The following CNTNAP5 variants were observed in gnomAD, a reference collection of about 807,000 sequenced individuals.
The protein encoded by CNTNAP5 is contactin associated protein family member 5.
A neutral mutation model predicts 150.2 loss-of-function variants in CNTNAP5; 72 were observed. The observed-to-expected ratio is 0.48, with a 90% CI of 0.40 to 0.58. The LOEUF (loss-of-function observed/expected upper bound fraction) is 0.58. CNTNAP5 is among the 20% of genes least tolerant of loss of function. The pLI is 0.00. For synonymous variants in CNTNAP5, 672 were observed against 619.8 expected (o/e 1.08, Z -1.25); for missense variants, 1,636 against 1,626.2 (o/e 1.01, Z -0.10).
intron 8 of CNTNAP5, among the ~76,000 whole-genome samples, chr2:124,514,346 CTCTG>C (rs1208429140): frequency 6.6e-6 from 1 of 152,174 alleles, no homozygotes. Flanking sequence ...CTGTTATTTT[CTCTG>C]TCTCTCACTC....
At chr2:124,659,198 A>C (rs753693727) in intron 13 of CNTNAP5, among the ~76,000 whole-genome samples, 1 of 152,214 alleles carries the variant, frequency 6.6e-6, no homozygotes, top group Admixed American at 6.5e-5. Context: ...AGTTGTTTTG[A>C]AATTACAGGG....
intron 10 of CNTNAP5, among the ~76,000 whole-genome samples, chr2:124,527,951 C>T (rs987851959): frequency 6.6e-6 from 1 of 152,160 alleles, no homozygotes; most frequent in African/African-American, 2.4e-5. Flanking sequence ...ACCACTGCTT[C>T]TCTGGCCCAG....
intron 10 of CNTNAP5, among the ~76,000 whole-genome samples, chr2:124,537,355 G>T (rs1251504468): frequency 6.6e-6 from 1 of 152,166 alleles, no homozygotes; most frequent in Non-Finnish European, 1.5e-5. Context: ...AAAGGTGGTT[G>T]TATTAAAGCA....
intron 13 of CNTNAP5, among the ~76,000 whole-genome samples, chr2:124,731,105 A>T (rs565412471): frequency 6.6e-6 from 1 of 152,182 alleles, no homozygotes; most frequent in African/African-American, 2.4e-5. Flanking sequence ...CTTTCTGTCT[A>T]TGCCTTGCTC....
At chr2:124,770,679 T>G (rs2104608684) in intron 16 of CNTNAP5, among the ~76,000 whole-genome samples, 1 of 152,294 alleles carries the variant, frequency 6.6e-6, no homozygotes, top group East Asian at 1.9e-4. Context: ...TTATTTAGTC[T>G]AACTGCTCAT....
intron 1 of CNTNAP5, among the ~76,000 whole-genome samples, chr2:124,026,643 T>TGCAATTAA (rs1447362244): frequency 4.6e-5 from 7 of 152,216 alleles, no homozygotes; most frequent in Non-Finnish European, 7.3e-5. Flanking sequence ...TGAGAAAGAA[T>TGCAATTAA]GCAATTAAGC....
intron 3 of CNTNAP5, among the ~76,000 whole-genome samples, chr2:124,268,297 A>G (rs939496780): frequency 7.9e-5 from 12 of 152,066 alleles, no homozygotes; most frequent in African/African-American, 2.9e-4. Context: ...CTTCCCTTTG[A>G]GTGTCGATTT....
At chr2:124,045,343 G>C (rs1204607580) in intron 1 of CNTNAP5, among the ~76,000 whole-genome samples, 1 of 146,410 alleles carries the variant, frequency 6.8e-6, no homozygotes, top group Non-Finnish European at 1.5e-5. Context: ...CTGTCACACA[G>C]GCTGGAGAGC....
chr2:124,337,064 A>G (rs1187903023), intron 3 of CNTNAP5, among the ~76,000 whole-genome samples: 2 of 152,220 alleles, frequency 1.3e-5, no homozygotes, highest in East Asian at 3.9e-4. Flanking sequence ...AATGATGGCC[A>G]TTTTAACTGG....
chr2:124,156,567 C>T (rs372358361), intron 1 of CNTNAP5, among the ~76,000 whole-genome samples: 63 of 152,300 alleles, frequency 4.1e-4, no homozygotes, highest in African/African-American at 1.5e-3. Flanking sequence ...GTGGTCTTGG[C>T]TCCCTGCAAC....
intron 1 of CNTNAP5, among the ~76,000 whole-genome samples, chr2:124,040,521 G>T (rs1558734548): frequency 6.6e-6 from 1 of 151,270 alleles, no homozygotes; most frequent in Non-Finnish European, 1.5e-5. Flanking sequence ...CATGTGTTTT[G>T]TAAATATAAT....
intron 3 of CNTNAP5, among the ~76,000 whole-genome samples, chr2:124,398,900 A>T (rs1021257473): frequency 7.9e-5 from 12 of 152,148 alleles, no homozygotes; most frequent in Non-Finnish European, 1.6e-4. Context: ...GATGAAGATG[A>T]TGGTGATGAT....
chr2:124,820,540 G>A (rs1381802149), intron 19 of CNTNAP5, among the ~76,000 whole-genome samples: 2 of 137,884 alleles, frequency 1.5e-5, no homozygotes, highest in African/African-American at 3.5e-5. Context: ...AAGGAAAGGG[G>A]GGGGAGAAAG....
At chr2:124,369,783 G>T (rs925025911) in intron 3 of CNTNAP5, among the ~76,000 whole-genome samples, 1 of 152,106 alleles carries the variant, frequency 6.6e-6, no homozygotes, top group African/African-American at 2.4e-5. Context: ...ACAAATGCAA[G>T]GAGGTCTTGA....
At chr2:124,187,579 C>T (rs570869262) in intron 1 of CNTNAP5, among the ~76,000 whole-genome samples, 6 of 152,228 alleles carry the variant, frequency 3.9e-5, no homozygotes, top group African/African-American at 1.4e-4. Flanking sequence ...AGAGGGGAGA[C>T]TTACATGGTG....
intron 7 of CNTNAP5, among the ~76,000 whole-genome samples, chr2:124,476,763 G>C (rs1395658772): frequency 1.3e-5 from 2 of 152,040 alleles, no homozygotes; most frequent in East Asian, 3.9e-4. Flanking sequence ...AGTGGAAATG[G>C]GGCCATAGTC....
chr2:124,097,887 G>C (rs1682974276), intron 1 of CNTNAP5, among the ~76,000 whole-genome samples: 1 of 152,156 alleles, frequency 6.6e-6, no homozygotes, highest in African/African-American at 2.4e-5. Flanking sequence ...AATTAGCCAA[G>C]CATGGTGACG....
chr2:124,547,549 C>T (rs754838115), intron 10 of CNTNAP5, among the ~76,000 whole-genome samples: 1 of 152,120 alleles, frequency 6.6e-6, no homozygotes, highest in African/African-American at 2.4e-5. Flanking sequence ...ATGATTTGAT[C>T]AAGGGGCTCC....
intron 12 of CNTNAP5, among the ~76,000 whole-genome samples, chr2:124,620,328 A>G (rs1416949454): frequency 6.6e-6 from 1 of 152,154 alleles, no homozygotes; most frequent in African/African-American, 2.4e-5. Flanking sequence ...GGATGTTGGA[A>G]ACAGCCTCAG....
Sources: gnomAD v4.1 joint callset for allele counts (sites outside exome capture counted in the v4.1 genomes callset) on GRCh38, gnomAD v4.1.1 for gene constraint, MANE v1.5 for transcripts, NCBI Gene and HGNC (gene_info 2026-07-23, HGNC 2026-07-21) for gene names.